TENM4: variants seen among roughly 807,000 people sequenced by gnomAD.
TENM4 encodes the protein teneurin-4.
TENM4 carries 82 observed loss-of-function variants against 243.3 expected under a neutral mutation model. The observed-to-expected ratio is 0.34, with a 90% CI of 0.28 to 0.40. TENM4 has a LOEUF of 0.40. Ranked by LOEUF, TENM4 falls within the 10% of genes least tolerant of loss-of-function variation. The pLI is 1.00. For missense variants in TENM4, 3,138 were observed against 3,673.3 expected (o/e 0.85, Z 3.77); for synonymous variants, 1,412 against 1,456.3 (o/e 0.97, Z 0.69).
chr11:79,203,609 T>C (rs1383628990), intron 3 of TENM4, among the ~76,000 whole-genome samples: 2 of 152,240 alleles, frequency 1.3e-5, no homozygotes, highest in Non-Finnish European at 2.9e-5. Context: ...TATAACAATA[T>C]ACAGTCAGAC....
At chr11:79,064,651 C>T (rs1302710880) in intron 6 of TENM4, 87 bp downstream of exon 6, 13 of 1,503,178 alleles carry the variant, frequency 8.6e-6, no homozygotes, top group Non-Finnish European at 1.2e-5. Flanking sequence ...CACCAGAGCC[C>T]CGGCAGTGGA....
At chr11:79,398,543 A>G (rs1216039447) in intron 1 of TENM4, among the ~76,000 whole-genome samples, 2 of 152,242 alleles carry the variant, frequency 1.3e-5, no homozygotes, top group East Asian at 1.9e-4. Context: ...GCGGACAGGA[A>G]TATAAACCAC....
At chr11:78,934,550 C>G (rs1228933170) in intron 6 of TENM4, among the ~76,000 whole-genome samples, 3 of 152,168 alleles carry the variant, frequency 2.0e-5, no homozygotes, top group Non-Finnish European at 4.4e-5. Context: ...CTCTCTGAGT[C>G]TATGAAATCC....
Position 79,304,254 on chromosome 11 carries a change from T to TCA in TENM4, c.-320-6713_-320-6712dup, listed in dbSNP as rs552487576. Among the ~76,000 whole-genome samples, 189 of 152,116 alleles carry TCA rather than the reference T, an allele frequency of 1.2e-3. 9 individuals carry two copies. The South Asian group carries it at 0.038, about 31-fold the overall frequency. ...TTCTGGAAGTCTCTGCTCTCCCTGC[T>TCA]CACAAAGTCCCAGGAATCCTAAGGC... On this transcript the variant is annotated intron_variant, in intron 1 of 33. Coordinates refer to ENST00000278550, the MANE Select transcript of TENM4 (RefSeq NM_001098816.3).
At chr11:78,671,933 G>T in intron 31 of TENM4, 100 bp downstream of exon 31, 1 of 1,392,324 alleles carries the variant, frequency 7.2e-7, no homozygotes, top group South Asian at 1.4e-5. Flanking sequence ...TTGGTGACAT[G>T]GGTCAGATAC....
intron 6 of TENM4, among the ~76,000 whole-genome samples, chr11:79,017,276 C>T (rs987923057): frequency 2.0e-5 from 3 of 152,084 alleles, no homozygotes; most frequent in Non-Finnish European, 2.9e-5. Flanking sequence ...ATAAAAGAGG[C>T]GGAGGCTGGA....
chr11:79,427,254 C>T (rs577488373), intron 1 of TENM4, among the ~76,000 whole-genome samples: 1 of 152,270 alleles, frequency 6.6e-6, no homozygotes, highest in African/African-American at 2.4e-5. Flanking sequence ...GCTGCATTAT[C>T]TTTGACCTAG....
At chr11:79,007,026 C>T (rs1858502425) in intron 6 of TENM4, among the ~76,000 whole-genome samples, 1 of 152,146 alleles carries the variant, frequency 6.6e-6, no homozygotes, top group African/African-American at 2.4e-5. Flanking sequence ...GAAGAGGAAA[C>T]CCTGCAGCAG....
intron 3 of TENM4, among the ~76,000 whole-genome samples, chr11:79,210,393 T>C (rs1590796914): frequency 6.6e-6 from 1 of 152,164 alleles, no homozygotes; most frequent in African/African-American, 2.4e-5. Context: ...TCCAATTGGG[T>C]GGACCAAAGG....
At chr11:78,774,873 C>G (rs1444490501) in intron 17 of TENM4, among the ~76,000 whole-genome samples, 1 of 152,168 alleles carries the variant, frequency 6.6e-6, no homozygotes, top group East Asian at 1.9e-4. Flanking sequence ...TGTTAATTCA[C>G]AGAGATGAGA....
intron 10 of TENM4, among the ~76,000 whole-genome samples, chr11:78,859,358 T>C (rs958655548): frequency 1.3e-5 from 2 of 152,188 alleles, no homozygotes; most frequent in African/African-American, 4.8e-5. Flanking sequence ...TAGGTCACAA[T>C]TAGGGCTCCC....
chr11:79,137,474 T>A (rs1325529090), intron 4 of TENM4, among the ~76,000 whole-genome samples: 3 of 151,804 alleles, frequency 2.0e-5, no homozygotes, highest in Non-Finnish European at 4.4e-5. Context: ...GGAATGAAGG[T>A]TTGGATCATG....
In TENM4 at chr11:78,670,590, G is replaced by A. The variant is rs75967026; in HGVS notation, c.5794-39C>T. On this transcript the variant is annotated intron_variant, in intron 31 of 33. Transcript: ENST00000278550. ...AAAACCAAGAGATGAGAGGAGGGTG[G>A]TGAGGAGAAAGGGTAGGTCTACATA... 21 of 1,561,188 alleles carry A rather than the reference G, an allele frequency of 1.3e-5. No homozygotes were observed. In the African/African-American group the frequency reaches 2.4e-4, roughly 18 times the overall value.
At chr11:78,942,830 A>C (rs77342008) in intron 6 of TENM4, among the ~76,000 whole-genome samples, 4 of 143,680 alleles carry the variant, frequency 2.8e-5, no homozygotes, top group Non-Finnish European at 6.2e-5. Context: ...AAAAAAAAAA[A>C]GGCTCAGTGA....
At position 79,076,199 on chromosome 11, in the gene TENM4, A is replaced by G. The variant is rs568911737; in HGVS notation, c.-65-6190T>C. On this transcript the variant is annotated intron_variant, in intron 4 of 33. Transcript: ENST00000278550. ...TTTTTGAGGCCAGGCTAAAAGATCC[A>G]GTTATCTGATCAAGTTCACACAGCC... is the stretch of plus-strand genomic sequence containing the variant. Among the ~76,000 whole-genome samples, 22 of 152,326 alleles carry G rather than the reference A, an allele frequency of 1.4e-4. No individual in the cohort carries two copies. In the South Asian group the frequency reaches 4.2e-3, roughly 29 times the overall value.
chr11:79,125,696 C>A (rs1194708962), intron 4 of TENM4, among the ~76,000 whole-genome samples: 1 of 152,190 alleles, frequency 6.6e-6, no homozygotes, highest in Non-Finnish European at 1.5e-5. Context: ...GCTGCCCCAT[C>A]AGCCTTTCCA....
intron 1 of TENM4, among the ~76,000 whole-genome samples, chr11:79,384,500 G>T (rs1288859122): frequency 1.3e-5 from 2 of 152,094 alleles, no homozygotes; most frequent in African/African-American, 4.8e-5. Flanking sequence ...GATGCGGGGG[G>T]GTTGAATTTC....
intron 18 of TENM4, among the ~76,000 whole-genome samples, chr11:78,759,854 G>A (rs530612848): frequency 3.9e-5 from 6 of 152,352 alleles, no homozygotes; most frequent in Non-Finnish European, 8.8e-5. Context: ...TGTAGTCAGT[G>A]AAGAAGCTGA....
rs570563210 is a variant in TENM4 at position 78,946,256 on chromosome 11, A to C, written c.494-42733T>G. Among the ~76,000 whole-genome samples the C allele has an allele frequency of 3.1e-4, 47 of 152,314 alleles. No individual in the cohort carries two copies. The South Asian group carries it at 9.7e-3, about 32-fold the overall frequency. On this transcript the variant is annotated intron_variant, in intron 6 of 33. Coordinates refer to ENST00000278550, the MANE Select transcript of TENM4 (RefSeq NM_001098816.3). Reference sequence around the variant, plus strand: ...AAGGCAGTGCTCATTTATCATTCCCAAAATCCCAGTGCCCTTAAGAATGAT... The same window carrying C: ...AAGGCAGTGCTCATTTATCATTCCCCAAATCCCAGTGCCCTTAAGAATGAT...
Sources: gnomAD v4.1 joint callset for allele counts (sites outside exome capture counted in the v4.1 genomes callset) on GRCh38, gnomAD v4.1.1 for gene constraint, MANE v1.5 for transcripts, NCBI Gene and HGNC (gene_info 2026-07-23, HGNC 2026-07-21) for gene names.